NABP2: variants seen among roughly 807,000 people sequenced by gnomAD.
NABP2 encodes the protein SOSS complex subunit B1.
In NABP2, 7 loss-of-function variants were observed where a neutral mutation model predicts 22.7. The ratio of observed to expected loss-of-function variants is 0.31; its 90% CI spans 0.18 to 0.58. NABP2 has a LOEUF of 0.58. Ranked by LOEUF, NABP2 falls within the 20% of genes least tolerant of loss-of-function variation. The pLI, the probability that NABP2 is intolerant of heterozygous loss-of-function variation, is 0.89. For synonymous variants in NABP2, 107 were observed against 99.2 expected (o/e 1.08, Z -0.47); for missense variants, 188 against 265.9 (o/e 0.71, Z 2.04).
rs773937832 is a variant in NABP2 at position 56,226,260 on chromosome 12, G to T, written c.372G>T (p.Ala124=). 1.2e-6 allele frequency: 2 copies of T among 1,614,018 alleles called. No individual in the cohort carries two copies. The highest frequency in any genetic ancestry group is 2.2e-5 in the East Asian group (1 of 44,902). ...GCACCCAGCAGGCACCCAACAAGGC[G>T]GTGAGTCCTGTGGCCACAATGGTGG... ...EYSTQQAPNK[A]VQNDSNPSAS... The change falls in exon 5 of 7, where the codon GCG becomes GCT. Residue 124 remains alanine (A), a splice_region_variant and synonymous_variant. Transcript: ENST00000267023.
Position 56,226,407 on chromosome 12 carries a change from G to C in NABP2, c.424G>C (p.Ala142Pro), listed in dbSNP as rs758951182. 1 of 1,613,042 alleles carries C rather than the reference G, an allele frequency of 6.2e-7. No homozygotes were observed. The highest frequency in any genetic ancestry group is 8.5e-7 in the Non-Finnish European group (1 of 1,179,980). ...TTCCCAGCCTACCACTGGACCCTCT[G>C]CTGCCTCTCCAGGTAAATCTGTTCC... Reference protein sequence around the residue: ...SASQPTTGPSAASPASENQNG... With the variant: ...SASQPTTGPSPASPASENQNG... The change falls in exon 6 of 7, where the codon GCT becomes CCT. Residue 142 changes from alanine (A) to proline (P), a missense_variant. Physicochemically the swap from Ala to Pro is conservative, Grantham distance 27. Transcript: ENST00000267023.
intron 6 of NABP2, 132 bp downstream of exon 6, chr12:56,226,551 AG>A: frequency 4.4e-6 from 2 of 452,042 alleles, no homozygotes; most frequent in South Asian, 4.8e-5. Context: ...CAATTCTCCC[AG>A]ACCCCTTTTT....
Position 56,229,087 on chromosome 12 carries a change from T to TGCCCCACCC in NABP2, c.510_511insGCCCCACCC (p.Thr170_Pro171insAlaProPro). ...GTGGTGGCCCACATCCCCCTCATACTCCCTCCCACCCACCCAGCACCCGAA... is the reference window on the plus strand; with the variant it reads ...GTGGTGGCCCACATCCCCCTCATACTGCCCCACCCCCCTCCCACCCACCCAGCACCCGAA... On this transcript the variant is annotated inframe_insertion, in exon 7 of 7. Transcript: ENST00000267023. 6.6e-7 allele frequency: 1 copy of TGCCCCACCC among 1,512,346 alleles called. No individual in the cohort carries two copies. The highest frequency in any genetic ancestry group is 9.1e-7 in the Non-Finnish European group (1 of 1,102,014). 93.7% of individuals were successfully genotyped at this position (1,512,346 alleles called of 1,614,324 possible).
chr12:56,225,033 C>T, intron 2 of NABP2, 98 bp downstream of exon 2: 2 of 891,982 alleles, frequency 2.2e-6, no homozygotes, highest in Non-Finnish European at 3.6e-6. Context: ...GATGGCAAGG[C>T]AAGCTGCAAG....
intron 1 of NABP2, 186 bp from the exon 2 acceptor site, chr12:56,224,648 C>T: frequency 1.0e-6 from 1 of 1,002,478 alleles, no homozygotes; most frequent in Non-Finnish European, 1.4e-6. Flanking sequence ...GCAGCCTGTC[C>T]AGAGACCCCC....
chr12:56,229,126 GC>G lies in NABP2; in HGVS notation c.552del (p.Asn185ThrfsTer48), dbSNP rs1396744113. ...CCAGCACCCGAATCACTCGAAGCCA[GC>G]CCAACCACACACCTGCAGGCCCGCC... ...PPSTRITRSQ[P>X]NHTPAGPPGP... On this transcript the variant is annotated frameshift_variant, in exon 7 of 7. Coordinates refer to ENST00000267023, the MANE Select transcript of NABP2 (RefSeq NM_024068.4). LOFTEE classifies it high-confidence loss of function. The G allele has an allele frequency of 8.7e-6, 11 of 1,269,714 alleles. No homozygotes were observed. Among genetic ancestry groups the G allele is most frequent in the African/African-American group, 1.8e-5 (1 of 54,174 alleles). The allele number at this position is 1,269,714 out of a possible 1,614,324, so 78.7% of individuals were successfully genotyped here.
intron 6 of NABP2, among the ~76,000 whole-genome samples, chr12:56,228,803 T>C (rs1053830661): frequency 2.6e-5 from 4 of 152,188 alleles, no homozygotes; most frequent in Non-Finnish European, 4.4e-5. Context: ...CCGAGGTTCA[T>C]GTAGCAACTT....
In NABP2 at chr12:56,229,071, C is replaced by A. The variant is rs1386593695; in HGVS notation, c.494C>A (p.Pro165Gln). ...GCCCCACCAGGTCCCGGTGGTGGCC[C>A]ACATCCCCCTCATACTCCCTCCCAC... The part of the protein sequence containing the change: ...LSAPPGPGGG[P>Q]HPPHTPSHPP... The change falls in exon 7 of 7, where the codon CCA becomes CAA. Residue 165 changes from proline (P) to glutamine (Q), a missense_variant. By Grantham distance (76) the Pro-to-Gln change is moderately conservative. Coordinates refer to ENST00000267023, the MANE Select transcript of NABP2 (RefSeq NM_024068.4). The A allele has an allele frequency of 1.2e-6, 2 of 1,612,612 alleles. No individual in the cohort carries two copies. Among genetic ancestry groups the A allele is most frequent in the Non-Finnish European group, 1.7e-6 (2 of 1,179,494 alleles).
Position 56,229,295 on chromosome 12 carries a change from G to A in NABP2, c.*82G>A, listed in dbSNP as rs1869991584. 2 of 1,489,882 alleles carry A rather than the reference G, an allele frequency of 1.3e-6. No homozygotes were observed. The highest frequency in any genetic ancestry group is 1.4e-5 in the African/African-American group (1 of 72,618). The allele number at this position is 1,489,882 out of a possible 1,614,324, so 92.3% of individuals were successfully genotyped here. A position where few individuals can be genotyped will look rare whatever the true frequency, so the allele number is the denominator to read the frequency against. On this transcript the variant is annotated 3_prime_UTR_variant, in exon 7 of 7. Transcript: ENST00000267023. Reference sequence around the variant, plus strand: ...GATAGCCTTCCACTGATTGGCTGGTGTAGCAGTATTTTAGCCACTGAACTT... The same window carrying A: ...GATAGCCTTCCACTGATTGGCTGGTATAGCAGTATTTTAGCCACTGAACTT...
At chr12:56,227,906 T>C (rs1226906253) in intron 6 of NABP2, among the ~76,000 whole-genome samples, 2 of 152,322 alleles carry the variant, frequency 1.3e-5, no homozygotes, top group Admixed American at 1.3e-4. Flanking sequence ...AATAATCTTT[T>C]CACTAGCTGG....
intron 6 of NABP2, among the ~76,000 whole-genome samples, chr12:56,226,745 T>TTTTTTTTTTTTA (rs1343984659): frequency 7.3e-6 from 1 of 136,884 alleles, no homozygotes; most frequent in African/African-American, 2.6e-5. Context: ...TTTTTTTTTT[T>TTTTTTTTTTTTA]GAGATGGAGT....
At chr12:56,225,586 T>G in intron 3 of NABP2, 38 bp from the exon 4 acceptor site, 1 of 1,614,172 alleles carries the variant, frequency 6.2e-7, no homozygotes, top group South Asian at 1.1e-5. Context: ...CCTATAACAC[T>G]TCTGAGTACT....
upstream of NABP2, chr12:56,224,282 C>T (rs1451940745): frequency 4.1e-6 from 4 of 972,178 alleles, no homozygotes; most frequent in Non-Finnish European, 4.9e-6. Flanking sequence ...ACGCAGGGCG[C>T]GCCCGGGCGG....
At position 56,224,873 on chromosome 12, in the gene NABP2, TTGTG is replaced by T; in HGVS notation, c.18_21del (p.Phe6LeufsTer11). The T allele has an allele frequency of 6.2e-7, 1 of 1,613,736 alleles. No individual in the cohort carries two copies. The highest frequency in any genetic ancestry group is 1.1e-5 in the South Asian group (1 of 91,068). ...TCAGGCAGCATGACGACGGAGACCT[TTGTG>T]AAGGATATCAAGCCTGGGCTCAAGA... On this transcript the variant is annotated frameshift_variant, in exon 2 of 7. Transcript: ENST00000267023. LOFTEE classifies it high-confidence loss of function.
At chr12:56,222,716 C>T (rs1046281154), upstream of NABP2, among the ~76,000 whole-genome samples, 1 of 152,138 alleles carries the variant, frequency 6.6e-6, no homozygotes, top group Non-Finnish European at 1.5e-5. Flanking sequence ...ACATGACTTC[C>T]TAGACTAATC....
In NABP2 at chr12:56,229,388, T is replaced by C; in HGVS notation, c.*175T>C. ...ATACTCCCTCATTGTCCAGCTGAAC[T>C]ACCTGTCCCCTGGGAGTCAGGACCC... On this transcript the variant is annotated 3_prime_UTR_variant, in exon 7 of 7. Transcript: ENST00000267023. 1 of 659,944 alleles carries C rather than the reference T, an allele frequency of 1.5e-6. No homozygotes were observed. The highest frequency in any genetic ancestry group is 2.6e-6 in the Non-Finnish European group (1 of 387,258). The allele number at this position is 659,944 out of a possible 1,614,324, so 40.9% of individuals were successfully genotyped here.
chr12:56,227,919 G>T (rs1412927525), intron 6 of NABP2, among the ~76,000 whole-genome samples: 1 of 152,224 alleles, frequency 6.6e-6, no homozygotes, highest in Non-Finnish European at 1.5e-5. Flanking sequence ...CTAGCTGGGC[G>T]CAGTGGCTCG....
chr12:56,224,170 A>G (rs1869644710), upstream of NABP2, among the ~76,000 whole-genome samples: 1 of 152,224 alleles, frequency 6.6e-6, no homozygotes, highest in Admixed American at 6.5e-5. Context: ...TTTTCCCCCT[A>G]CAGAGCCAAC....
intron 6 of NABP2, among the ~76,000 whole-genome samples, chr12:56,227,197 G>A (rs990038399): frequency 2.6e-5 from 4 of 151,700 alleles, no homozygotes; most frequent in Non-Finnish European, 4.4e-5. Flanking sequence ...CCAACGTGGC[G>A]AAACCCCATC....
Sources: gnomAD v4.1 joint callset for allele counts (sites outside exome capture counted in the v4.1 genomes callset) on GRCh38, gnomAD v4.1.1 for gene constraint, MANE v1.5 for transcripts, NCBI Gene and HGNC (gene_info 2026-07-23, HGNC 2026-07-21) for gene names.